The following PPP2R1A variants were observed in gnomAD, a reference collection of about 807,000 sequenced individuals.
The protein encoded by PPP2R1A is serine/threonine-protein phosphatase 2A 65 kDa regulatory subunit A alpha isoform.
Under a neutral mutation model 67.1 loss-of-function variants are expected in PPP2R1A, and 15 were observed. That is an observed-to-expected ratio of 0.22 (90% CI 0.15 to 0.34). The LOEUF (loss-of-function observed/expected upper bound fraction) is 0.34, where lower values mean the gene tolerates loss of function less well. PPP2R1A is among the 10% of genes least tolerant of loss of function. The pLI is 1.00. For synonymous variants in PPP2R1A, 337 were observed against 325.0 expected (o/e 1.04, Z -0.40); for missense variants, 369 against 775.0 (o/e 0.48, Z 6.22).
At position 52,216,791 on chromosome 19, in the gene PPP2R1A, G is replaced by C. The variant is rs539365364; in HGVS notation, c.1128+128G>C. The C allele has an allele frequency of 6.0e-5, 85 of 1,427,404 alleles. No homozygotes were observed. The South Asian group carries it at 1.0e-3, about 17-fold the overall frequency. 88.4% of individuals were successfully genotyped at this position (1,427,404 alleles called of 1,614,324 possible). ...CAACAGACATCCAGATCTTTGCTGAGTTGCATGTTTGTGGGCATAGCTGTG... is the reference window on the plus strand; with the variant it reads ...CAACAGACATCCAGATCTTTGCTGACTTGCATGTTTGTGGGCATAGCTGTG... On this transcript the variant is annotated intron_variant, in intron 9 of 14. Transcript: ENST00000322088. This position sits in a 1 kb window ranked among gnomAD's most constrained non-coding sequence, Gnocchi z 4.3.
Position 52,220,978 on chromosome 19 carries a change from G to C in PPP2R1A, c.1364-1G>C. The C allele has an allele frequency of 6.2e-7, 1 of 1,614,168 alleles. No individual in the cohort carries two copies. The highest frequency in any genetic ancestry group is 8.5e-7 in the Non-Finnish European group (1 of 1,180,006). On this transcript the variant is annotated splice_acceptor_variant, in intron 11 of 14. Coordinates refer to ENST00000322088, the MANE Select transcript of PPP2R1A (RefSeq NM_014225.6). LOFTEE classifies it high-confidence loss of function. ...TCTCTCTCACCCTCACCCTTCTGCA[G>C]TATATGCCATCCGCGAGGCAGCCAC...
chr19:52,221,970 C>CT (rs751579436), intron 12 of PPP2R1A, 129 bp from the exon 13 acceptor site: 37 of 899,856 alleles, frequency 4.1e-5, no homozygotes, highest in Middle Eastern at 3.5e-4. Flanking sequence ...ACTCCACTAA[C>CT]TGAGTCACCC....
chr19:52,206,603 C>T (rs988759427), intron 3 of PPP2R1A, among the ~76,000 whole-genome samples: 13 of 152,070 alleles, frequency 8.5e-5, no homozygotes, highest in Admixed American at 3.9e-4. Flanking sequence ...AGAGGTTAAG[C>T]GTCTCTTCAG....
At chr19:52,193,404 ACT>A (rs1003025684) in intron 1 of PPP2R1A, among the ~76,000 whole-genome samples, 1 of 152,168 alleles carries the variant, frequency 6.6e-6, no homozygotes, top group Non-Finnish European at 1.5e-5. Context: ...TGTGTGCCAG[ACT>A]CTGTTTTAGA....
At position 52,216,194 on chromosome 19, in the gene PPP2R1A, C is replaced by A; in HGVS notation, c.993+120C>A. On this transcript the variant is annotated intron_variant, in intron 8 of 14. Coordinates refer to ENST00000322088, the MANE Select transcript of PPP2R1A (RefSeq NM_014225.6). This position sits in a 1 kb window ranked among gnomAD's most constrained non-coding sequence, Gnocchi z 4.3. ...AGGTTCCCAGCCCTCTGGGACCAGG[C>A]AGCTCTTGGGTTTCAAGCAGTTAGG... is the stretch of plus-strand genomic sequence containing the variant. The A allele has an allele frequency of 8.7e-7, 1 of 1,148,914 alleles. No individual in the cohort carries two copies. The highest frequency in any genetic ancestry group is 1.3e-6 in the Non-Finnish European group (1 of 796,856). The allele number at this position is 1,148,914 out of a possible 1,614,324, so 71.2% of individuals were successfully genotyped here. A position where few individuals can be genotyped will look rare whatever the true frequency, so the allele number is the denominator to read the frequency against.
chr19:52,204,084 C>T (rs1217270243), intron 2 of PPP2R1A, among the ~76,000 whole-genome samples: 1 of 152,058 alleles, frequency 6.6e-6, no homozygotes, highest in East Asian at 1.9e-4. Context: ...CTGAGTGGAA[C>T]GGAGGCACCA....
chr19:52,190,214 G>C, intron 1 of PPP2R1A, 40 bp downstream of exon 1: 1 of 1,540,556 alleles, frequency 6.5e-7, no homozygotes. Flanking sequence ...ACGCGGAGGG[G>C]TACCTGGGGG....
chr19:52,225,693 T>C (rs1290434106), intron 13 of PPP2R1A, 24 bp from the exon 14 acceptor site: 3 of 1,608,900 alleles, frequency 1.9e-6, no homozygotes, highest in South Asian at 1.1e-5. Flanking sequence ...ACCCTCTCTC[T>C]CCCTGTCTCC....
intron 6 of PPP2R1A, among the ~76,000 whole-genome samples, chr19:52,214,420 T>G (rs1052159766): frequency 3.3e-5 from 5 of 152,172 alleles, no homozygotes; most frequent in African/African-American, 1.2e-4. Context: ...CTTCCCATCC[T>G]TGTCTCCTGA....
intron 1 of PPP2R1A, 65 bp downstream of exon 1, chr19:52,190,239 G>C (rs543135221): frequency 6.6e-7 from 1 of 1,514,242 alleles, no homozygotes; most frequent in African/African-American, 1.4e-5. Context: ...GGCGGCCCTC[G>C]CGGAGAAGAC....
At position 52,221,066 on chromosome 19, in the gene PPP2R1A, C is replaced by G. The variant is rs761915943; in HGVS notation, c.1451C>G (p.Pro484Arg). The change falls in exon 12 of 15, where the codon CCC (proline) becomes CGC (arginine). Residue 484 changes from proline (P) to arginine (R), a missense_variant. Physicochemically the swap from Pro to Arg is moderately radical, Grantham distance 103. This residue lies in a region of PPP2R1A where 276 missense variants were observed against 508.4 expected (regional missense o/e 0.54). Transcript: ENST00000322088. ...GKEWAHATIIPKVLAMSGDPN... is the reference protein window; with the variant it reads ...GKEWAHATIIRKVLAMSGDPN... ...GAGTGGGCCCATGCCACAATCATCC[C>G]CAAGGTCTTGGCCATGTCCGGAGAC... 8 of 1,614,114 alleles carry G rather than the reference C, an allele frequency of 5.0e-6. No homozygotes were observed. The highest frequency in any genetic ancestry group is 6.8e-6 in the Non-Finnish European group (8 of 1,180,048).
intron 1 of PPP2R1A, among the ~76,000 whole-genome samples, chr19:52,198,576 A>G (rs889487848): frequency 2.0e-5 from 3 of 152,194 alleles, no homozygotes; most frequent in African/African-American, 7.2e-5. Context: ...CTATGGAGGA[A>G]GGGGCGGGGA....
In PPP2R1A at chr19:52,223,000, A is replaced by G. The variant is rs1270406386; in HGVS notation, c.1661+759A>G. ...TAGTGGAAAATTGACACTTCTAATG[A>G]ACAAAGTTGTCTGATTTACACTACC... On this transcript the variant is annotated intron_variant, in intron 13 of 14. Transcript: ENST00000322088. 2.6e-5 allele frequency among the ~76,000 whole-genome samples: 4 copies of G among 152,242 alleles called. 1 individual carries two copies. The highest frequency in any genetic ancestry group is 9.6e-5 in the African/African-American group (4 of 41,460).
intron 1 of PPP2R1A, among the ~76,000 whole-genome samples, chr19:52,191,924 G>A (rs920528086): frequency 6.6e-6 from 1 of 152,150 alleles, no homozygotes; most frequent in African/African-American, 2.4e-5. Flanking sequence ...GCAGGGCGCT[G>A]TTCTAAGCAC....
chr19:52,207,388 C>T lies in PPP2R1A; in HGVS notation c.270+1325C>T, dbSNP rs116281639. Among the ~76,000 whole-genome samples, 1,123 of 152,258 alleles carry T rather than the reference C, an allele frequency of 7.4e-3. 15 individuals are homozygous for T. The highest frequency in any genetic ancestry group is 0.025 in the African/African-American group (1,048 of 41,542). On this transcript the variant is annotated intron_variant, in intron 3 of 14. Transcript: ENST00000322088. ...GAAACCGCAAGGCTTCAACAAGGGCCCCCAGGGTCTGCAACTGAGGTTGGG... is the reference window on the plus strand; with the variant it reads ...GAAACCGCAAGGCTTCAACAAGGGCTCCCAGGGTCTGCAACTGAGGTTGGG...
intron 13 of PPP2R1A, among the ~76,000 whole-genome samples, chr19:52,224,040 C>A (rs1331116969): frequency 6.6e-6 from 1 of 152,134 alleles, no homozygotes; most frequent in Non-Finnish European, 1.5e-5. Flanking sequence ...GAAACAAATG[C>A]CTGCTATAAG....
At chr19:52,224,253 C>A (rs1371730721) in intron 13 of PPP2R1A, among the ~76,000 whole-genome samples, 1 of 152,188 alleles carries the variant, frequency 6.6e-6, no homozygotes, top group Admixed American at 6.5e-5. Flanking sequence ...CTGTCTGTTC[C>A]AGGACACAAC....
chr19:52,206,370 G>A (rs1600163893), intron 3 of PPP2R1A, among the ~76,000 whole-genome samples: 2 of 152,260 alleles, frequency 1.3e-5, no homozygotes, highest in East Asian at 1.9e-4. Context: ...TGTGTGACTT[G>A]TAAGAGAATT....
chr19:52,225,405 A>G (rs1358023293), intron 13 of PPP2R1A, among the ~76,000 whole-genome samples: 1 of 152,202 alleles, frequency 6.6e-6, no homozygotes, highest in African/African-American at 2.4e-5. Context: ...ATGTGTAATG[A>G]TCAAATTAGG....
Sources: allele counts gnomAD v4.1 joint callset (sites outside exome capture counted in the v4.1 genomes callset), GRCh38; gene constraint gnomAD v4.1.1; regional missense constraint gnomAD v4.1.1; non-coding constraint Gnocchi (gnomAD v3.1); transcripts MANE v1.5; gene names NCBI Gene and HGNC (gene_info 2026-07-23, HGNC 2026-07-21).